The following FOXP1 variants were observed in gnomAD, a reference collection of about 807,000 sequenced individuals.
FOXP1 encodes the protein forkhead box P1.
A neutral mutation model predicts 98.2 loss-of-function variants in FOXP1; 15 were observed. The ratio of observed to expected loss-of-function variants is 0.15; its 90% CI spans 0.10 to 0.24. The LOEUF is 0.24. Ranked by LOEUF, FOXP1 falls within the 10% of genes least tolerant of loss-of-function variation. The probability of loss-of-function intolerance (pLI) is 1.00; values close to 1 mark genes in which losing one functional copy is unlikely to be tolerated. For synonymous variants in FOXP1, 371 were observed against 314.5 expected (o/e 1.18, Z -1.90); for missense variants, 633 against 848.5 (o/e 0.75, Z 3.15).
intron 5 of FOXP1, among the ~76,000 whole-genome samples, chr3:71,244,236 C>T (rs781648539): frequency 3.9e-5 from 6 of 152,086 alleles, no homozygotes. Flanking sequence ...AAGATGCTGC[C>T]GCTACTTTAA....
intron 7 of FOXP1, among the ~76,000 whole-genome samples, chr3:71,061,718 T>C (rs900408068): frequency 6.6e-6 from 1 of 152,220 alleles, no homozygotes; most frequent in African/African-American, 2.4e-5. Context: ...GGAATCTAAC[T>C]GACCACTACA....
intron 3 of FOXP1, among the ~76,000 whole-genome samples, chr3:71,365,099 G>A (rs1005910148): frequency 4.6e-5 from 7 of 152,156 alleles, no homozygotes; most frequent in African/African-American, 1.2e-4. Flanking sequence ...AACTGGCAGT[G>A]GGCTGGATTT....
rs888942559 is a variant in FOXP1, at chr3:70,959,473, G to C, written c.1890-82C>G. 4 of 1,484,538 alleles carry C rather than the reference G, an allele frequency of 2.7e-6. No homozygotes were observed. In the East Asian group the frequency reaches 9.1e-5, roughly 34 times the overall value. The allele number at this position is 1,484,538 out of a possible 1,614,324, so 92.0% of individuals were successfully genotyped here. On this transcript the variant is annotated intron_variant, in intron 20 of 20. Transcript: ENST00000649528. ...GTGCACTGAAAAGTTTGGGGCAACA[G>C]AAAAGCCGCACTCTAGAACTAGAAC... is the stretch of plus-strand genomic sequence containing the variant.
chr3:71,509,810 G>C lies in FOXP1; in HGVS notation c.-297-16255C>G, dbSNP rs377025349. On this transcript the variant is annotated intron_variant, in intron 2 of 20. Transcript: ENST00000649528. ...GCAAGAAGATCACTTGAGCACAGGA[G>C]TTTCAGATTGCAATGAGCTATGATT... Among the ~76,000 whole-genome samples, 8 of 152,180 alleles carry C rather than the reference G, an allele frequency of 5.3e-5. No homozygotes were observed. In the East Asian group the frequency reaches 1.5e-3, roughly 29 times the overall value.
At chr3:71,535,818 G>A (rs1306642104) in intron 2 of FOXP1, among the ~76,000 whole-genome samples, 1 of 152,152 alleles carries the variant, frequency 6.6e-6, no homozygotes, top group Non-Finnish European at 1.5e-5. Flanking sequence ...CTGAGATATG[G>A]CGGCATCCCA....
intron 7 of FOXP1, among the ~76,000 whole-genome samples, chr3:71,098,750 A>C (rs2056701500): frequency 6.6e-6 from 1 of 152,364 alleles, no homozygotes; most frequent in Non-Finnish European, 1.5e-5. Flanking sequence ...ATTAAGGACC[A>C]GTTCTTTGCT....
intron 4 of FOXP1, among the ~76,000 whole-genome samples, chr3:71,349,267 G>C (rs142213178): frequency 0.012 from 1,789 of 152,242 alleles, 36 homozygotes; most frequent in African/African-American, 0.041. Flanking sequence ...TAACTTAGCA[G>C]GAGGAAATAA....
At chr3:71,243,589 G>A (rs997851719) in intron 5 of FOXP1, among the ~76,000 whole-genome samples, 3 of 152,154 alleles carry the variant, frequency 2.0e-5, no homozygotes, top group African/African-American at 7.2e-5. Flanking sequence ...GAACAAGTAC[G>A]TCCCAGCATC....
chr3:71,582,083 G>A lies in FOXP1; in HGVS notation c.-446-386C>T. ...GGGCGGGAGCTGCGCGGGAATGGGG[G>A]GCTGCAGGCAGCGATTTCGAAGCAA... On this transcript the variant is annotated intron_variant, in intron 1 of 20. Transcript: ENST00000649528. The A allele has an allele frequency of 2.0e-6, 2 of 980,822 alleles. 1 individual carries two copies. Among genetic ancestry groups the A allele is most frequent in the South Asian group, 9.5e-5 (2 of 21,076 alleles). The allele number at this position is 980,822 out of a possible 1,614,324, so 60.8% of individuals were successfully genotyped here. A position where few individuals can be genotyped will look rare whatever the true frequency, so the allele number is the denominator to read the frequency against.
chr3:71,380,198 G>A (rs2080032682), intron 3 of FOXP1, among the ~76,000 whole-genome samples: 1 of 152,112 alleles, frequency 6.6e-6, no homozygotes, highest in Non-Finnish European at 1.5e-5. Flanking sequence ...GTCTTTTAAG[G>A]TCAGAGTGGA....
intron 2 of FOXP1, among the ~76,000 whole-genome samples, chr3:71,494,407 A>G (rs1400512804): frequency 6.6e-6 from 1 of 152,180 alleles, no homozygotes; most frequent in African/African-American, 2.4e-5. Context: ...TTTTGTTTTT[A>G]CCATGATTCA....
At chr3:71,315,695 T>G (rs2075036541) in intron 4 of FOXP1, among the ~76,000 whole-genome samples, 1 of 152,080 alleles carries the variant, frequency 6.6e-6, no homozygotes, top group Admixed American at 6.6e-5. Context: ...GACTCCCAAT[T>G]CATAGAGAAA....
chr3:71,299,984 T>C (rs2073707111), intron 4 of FOXP1, 104 bp from the exon 5 acceptor site: 1 of 152,536 alleles, frequency 6.6e-6, no homozygotes, highest in African/African-American at 2.4e-5. Context: ...CAATTCTATT[T>C]AATGGCAAAT....
chr3:71,251,331 C>T (rs1017560650), intron 5 of FOXP1, among the ~76,000 whole-genome samples: 3 of 152,216 alleles, frequency 2.0e-5, no homozygotes, highest in Non-Finnish European at 2.9e-5. Flanking sequence ...CACGTGCCTC[C>T]ATCCTGTCCC....
intron 2 of FOXP1, chr3:71,581,068 T>A (rs1018231519): frequency 5.2e-6 from 5 of 963,178 alleles, no homozygotes; most frequent in Non-Finnish European, 6.2e-6. Flanking sequence ...GCTTGTGGGG[T>A]GGGGAGGTAG....
intron 2 of FOXP1, among the ~76,000 whole-genome samples, chr3:71,529,483 T>C (rs747793968): frequency 5.9e-5 from 9 of 152,216 alleles, no homozygotes; most frequent in Non-Finnish European, 1.2e-4. Flanking sequence ...GGCTGGGCAC[T>C]GCAGCAAGGC....
At chr3:71,173,021 C>T (rs2061726463) in intron 6 of FOXP1, among the ~76,000 whole-genome samples, 2 of 152,194 alleles carry the variant, frequency 1.3e-5, no homozygotes, top group African/African-American at 2.4e-5. Flanking sequence ...GGGTAAGTTA[C>T]AGCAGCAACA....
At chr3:71,476,422 CT>C (rs1462211757) in intron 3 of FOXP1, among the ~76,000 whole-genome samples, 1 of 149,672 alleles carries the variant, frequency 6.7e-6, no homozygotes, top group African/African-American at 2.5e-5. Context: ...CTCTTTCTTT[CT>C]TTCATTTGAT....
intron 4 of FOXP1, among the ~76,000 whole-genome samples, chr3:71,322,638 T>C (rs796785503): frequency 1.3e-5 from 2 of 152,016 alleles, no homozygotes; most frequent in Non-Finnish European, 2.9e-5. Flanking sequence ...CATTCGGAGC[T>C]CCAGGAGGGG....
Sources: allele counts gnomAD v4.1 joint callset (sites outside exome capture counted in the v4.1 genomes callset), GRCh38; gene constraint gnomAD v4.1.1; transcripts MANE v1.5; gene names NCBI Gene and HGNC (gene_info 2026-07-23, HGNC 2026-07-21).